AGGF1: variants seen among roughly 807,000 people sequenced by gnomAD.
The protein encoded by AGGF1 is angiogenic factor with G-patch and FHA domains 1.
Under a neutral mutation model 86.5 loss-of-function variants are expected in AGGF1, and 56 were observed. The observed-to-expected ratio is 0.65, with a 90% CI of 0.52 to 0.81. AGGF1 has a LOEUF of 0.81. Among genes scored for constraint, AGGF1 ranks in the 30% least tolerant of loss-of-function variants. The pLI is 0.00. For synonymous variants in AGGF1, 313 were observed against 297.1 expected, an observed-to-expected ratio of 1.05 and a Z score of -0.55; for missense variants, 816 against 850.9, an observed-to-expected ratio of 0.96 and a Z score of 0.51.
rs548226477 is a variant in AGGF1 at position 77,064,955 on chromosome 5, T to C, written c.*1703T>C. On this transcript the variant is annotated 3_prime_UTR_variant, in exon 14 of 14. Transcript: ENST00000312916. The stretch of plus-strand genomic sequence containing the variant: ...AAATATGGTGTTAAAAATGGAAATA[T>C]ATGTGATATTTGCATTATTAAACCC... 5 of 152,296 alleles carry C rather than the reference T, an allele frequency of 3.3e-5. No homozygotes were observed. The highest frequency in any genetic ancestry group is 6.5e-5 in the Admixed American group (1 of 15,292). 9.4% of individuals were successfully genotyped at this position (152,296 alleles called of 1,614,324 possible). A position where few individuals can be genotyped will look rare whatever the true frequency, so the allele number is the denominator to read the frequency against.
intron 1 of AGGF1, among the ~76,000 whole-genome samples, 190 bp from the exon 2 acceptor site, chr5:77,034,228 G>C (rs993423117): frequency 6.6e-6 from 1 of 152,188 alleles, no homozygotes; most frequent in African/African-American, 2.4e-5. Context: ...TGGACATTTA[G>C]TAAGAGAGAT....
chr5:77,062,875 T>C (rs772970088), intron 13 of AGGF1, among the ~76,000 whole-genome samples, 177 bp from the exon 14 acceptor site: 3 of 152,216 alleles, frequency 2.0e-5, no homozygotes, highest in African/African-American at 7.2e-5. Flanking sequence ...GAAAAATGAA[T>C]GTAAGTTCCA....
At chr5:77,037,032 C>T (rs931877781) in intron 4 of AGGF1, among the ~76,000 whole-genome samples, 3 of 152,040 alleles carry the variant, frequency 2.0e-5, no homozygotes, top group African/African-American at 7.2e-5. Context: ...AACCCTAAGC[C>T]GAAGTAAGAA....
At chr5:77,043,518 G>T (rs1747175181) in intron 5 of AGGF1, among the ~76,000 whole-genome samples, 1 of 144,714 alleles carries the variant, frequency 6.9e-6, no homozygotes, top group Non-Finnish European at 1.5e-5. Flanking sequence ...GGACGGGGCG[G>T]CTGGCCGGGC....
At chr5:77,055,723 A>C in intron 11 of AGGF1, 127 bp downstream of exon 11, 3 of 669,588 alleles carry the variant, frequency 4.5e-6, no homozygotes, top group Middle Eastern at 6.0e-4. Flanking sequence ...GATTTGTATT[A>C]GTTTACTGTT....
chr5:77,053,227 A>C (rs982742636), intron 9 of AGGF1, among the ~76,000 whole-genome samples: 1 of 152,192 alleles, frequency 6.6e-6, no homozygotes, highest in African/African-American at 2.4e-5. Flanking sequence ...TAAATAAGAA[A>C]ATATAGGGGC....
At chr5:77,062,990 C>A in intron 13 of AGGF1, 62 bp from the exon 14 acceptor site, 1 of 1,569,554 alleles carries the variant, frequency 6.4e-7, no homozygotes, top group Non-Finnish European at 8.8e-7. Flanking sequence ...CTAAGTTGGA[C>A]ACAGCAGATT....
chr5:77,063,014 A>G (rs990739808), intron 13 of AGGF1, 38 bp from the exon 14 acceptor site: 1 of 1,608,106 alleles, frequency 6.2e-7, no homozygotes, highest in Non-Finnish European at 8.5e-7. Flanking sequence ...ATGTGTTTAG[A>G]CTCTAAAATA....
chr5:77,039,594 C>T lies in AGGF1; in HGVS notation c.745C>T (p.Arg249Cys), dbSNP rs747813682. 40 of 1,612,710 alleles carry T rather than the reference C, an allele frequency of 2.5e-5. No individual in the cohort carries two copies. In the South Asian group the frequency reaches 2.9e-4, roughly 12 times the overall value. Residue 249 changes from arginine (R) to cysteine (C), a missense_variant, in exon 5 of 14, where the codon CGT (arginine) becomes TGT (cysteine). By Grantham distance (180) the Arg-to-Cys change is radical. Transcript: ENST00000312916. ...IYYYCDVESG[R>C]YQFHSRVDLQ... is the part of the protein sequence containing the mutation. ...TTACTATTGTGATGTGGAAAGTGGT[C>T]GTTATCAGTTTCATTCTCGAGTAGA...
rs1474463692 is a variant in AGGF1 at position 77,030,423 on chromosome 5, C to T, written c.-344C>T. 9.8e-6 allele frequency: 5 copies of T among 511,340 alleles called. No homozygotes were observed. The highest frequency in any genetic ancestry group is 7.7e-5 in the South Asian group (5 of 65,098). The allele number at this position is 511,340 out of a possible 1,614,324, so 31.7% of individuals were successfully genotyped here. A position where few individuals can be genotyped will look rare whatever the true frequency, so the allele number is the denominator to read the frequency against. On this transcript the variant is annotated 5_prime_UTR_variant, in exon 1 of 14. Transcript: ENST00000312916. Reference sequence around the variant, plus strand: ...GCTGGCGCCGTTGTTTCCGGCTCAACTGGGGAGCTGCTGGAGCTCTTCTGG... The same window carrying T: ...GCTGGCGCCGTTGTTTCCGGCTCAATTGGGGAGCTGCTGGAGCTCTTCTGG...
rs1423113456 is a variant in AGGF1, at chr5:77,030,755, G to A, written c.-12G>A. On this transcript the variant is annotated 5_prime_UTR_variant, in exon 1 of 14. Transcript: ENST00000312916. ...CCCCTCCGCGGCGACGAGCAGTCTC[G>A]CGCCGGAGCTCATGGCCTCGGAGGC... The A allele has an allele frequency of 1.3e-6, 2 of 1,560,066 alleles. No individual in the cohort carries two copies. Among genetic ancestry groups the A allele is most frequent in the East Asian group, 2.3e-5 (1 of 42,660 alleles).
chr5:77,049,793 T>C (rs992189744), intron 8 of AGGF1, among the ~76,000 whole-genome samples: 4 of 152,142 alleles, frequency 2.6e-5, no homozygotes, highest in African/African-American at 9.7e-5. Context: ...GCTCAAGTGA[T>C]CTTGCCTCTG....
At chr5:77,042,678 G>C (rs1452495996) in intron 5 of AGGF1, among the ~76,000 whole-genome samples, 1 of 29,786 alleles carries the variant, frequency 3.4e-5, no homozygotes, top group African/African-American at 9.7e-5. Context: ...TGGCTGGGCA[G>C]AGGGGCTCCT....
At chr5:77,048,591 A>G (rs1239308019) in intron 7 of AGGF1, among the ~76,000 whole-genome samples, 1 of 152,078 alleles carries the variant, frequency 6.6e-6, no homozygotes, top group Non-Finnish European at 1.5e-5. Flanking sequence ...CAAGTGATCC[A>G]CCCACCTCAG....
At chr5:77,043,700 G>C (rs1292517546) in intron 5 of AGGF1, among the ~76,000 whole-genome samples, 3 of 138,898 alleles carry the variant, frequency 2.2e-5, no homozygotes, top group East Asian at 2.3e-4. Context: ...CCTCCCTCCC[G>C]GACGGGGTGG....
rs1561284934 is a variant in AGGF1 at position 77,039,729 on chromosome 5, T to C, written c.870+10T>C. 1 of 1,605,250 alleles carries C rather than the reference T, an allele frequency of 6.2e-7. No individual in the cohort carries two copies. The highest frequency in any genetic ancestry group is 2.2e-5 in the East Asian group (1 of 44,666). On this transcript the variant is annotated intron_variant, in intron 5 of 13. Transcript: ENST00000312916. ...AACAAATGAGGAAAAGGTAATGTCT[T>C]TACAATTTTAAAAATTGACATAATG...
rs775996666 is a variant in AGGF1 at position 77,055,501 on chromosome 5, T to G, written c.1634-13T>G. ...TTAGTGGCTTTTTTTTAACCAAACTTTTTTTCTTTCAGTTGGTCCAACACT... is the reference window on the plus strand; with the variant it reads ...TTAGTGGCTTTTTTTTAACCAAACTGTTTTTCTTTCAGTTGGTCCAACACT... On this transcript the variant is annotated splice_polypyrimidine_tract_variant and intron_variant, in intron 10 of 13. Coordinates refer to ENST00000312916, the MANE Select transcript of AGGF1 (RefSeq NM_018046.5). 6.4e-7 allele frequency: 1 copy of G among 1,574,528 alleles called. No individual in the cohort carries two copies.
chr5:77,047,710 G>A (rs1264918079), intron 6 of AGGF1, among the ~76,000 whole-genome samples: 2 of 151,720 alleles, frequency 1.3e-5, no homozygotes, highest in Non-Finnish European at 2.9e-5. Flanking sequence ...TAGAGACAGG[G>A]TTTGACCATG....
Position 77,030,650 on chromosome 5 carries a change from C to A in AGGF1, c.-117C>A. 8.3e-7 allele frequency: 1 copy of A among 1,206,064 alleles called. No homozygotes were observed. The highest frequency in any genetic ancestry group is 1.2e-6 in the Non-Finnish European group (1 of 849,472). The allele number at this position is 1,206,064 out of a possible 1,614,324, so 74.7% of individuals were successfully genotyped here. On this transcript the variant is annotated 5_prime_UTR_variant, in exon 1 of 14. Coordinates refer to ENST00000312916, the MANE Select transcript of AGGF1 (RefSeq NM_018046.5). ...ATGGCCAGGGGCCACCGCGGCCAGC[C>A]GGGTGTGAGGCTGCCTTTCGCTGCC...
Sources: gnomAD v4.1 joint callset for allele counts (sites outside exome capture counted in the v4.1 genomes callset) on GRCh38, gnomAD v4.1.1 for gene constraint, MANE v1.5 for transcripts, NCBI Gene and HGNC (gene_info 2026-07-23, HGNC 2026-07-21) for gene names.